Variants in PCDHGB4 observed in about 807,000 individuals in gnomAD.
PCDHGB4 encodes the protein protocadherin gamma subfamily B, 4.
Under a neutral mutation model 60.5 loss-of-function variants are expected in PCDHGB4, and 38 were observed. The ratio of observed to expected loss-of-function variants is 0.63; its 90% confidence interval spans 0.48 to 0.82. The LOEUF (loss-of-function observed/expected upper bound fraction) is 0.82, where lower values mean the gene tolerates loss of function less well. Ranked by LOEUF, PCDHGB4 falls within the 40% of genes least tolerant of loss-of-function variation. The pLI, the probability that PCDHGB4 is intolerant of heterozygous loss-of-function variation, is 0.00. For synonymous variants in PCDHGB4, 456 were observed against 509.7 expected (o/e 0.89, Z 1.42); for missense variants, 1,109 against 1,209.6 (o/e 0.92, Z 1.23).
Position 141,476,294 on chromosome 5 carries a change from A to G in PCDHGB4, c.2398-18513A>G. 6.2e-7 allele frequency: 1 copy of G among 1,613,036 alleles called. No homozygotes were observed. The highest frequency in any genetic ancestry group is 8.5e-7 in the Non-Finnish European group (1 of 1,179,642). On this transcript the variant is annotated intron_variant, in intron 1 of 3. Transcript: ENST00000519479. The surrounding 1 kb of genome is among the most constrained non-coding windows in gnomAD (Gnocchi z 7.6). ...CGCGAACCTTGGTTTGGATCTCGGT[A>G]GCCTCTCAGCCCGCAGGTTCCGGGT...
intron 1 of PCDHGB4, chr5:141,419,426 G>C: frequency 6.2e-7 from 1 of 1,613,312 alleles, no homozygotes; most frequent in Non-Finnish European, 8.5e-7. Flanking sequence ...CTTCGACCAC[G>C]AGCAGCTGCG....
chr5:141,422,197 G>C, intron 1 of PCDHGB4: 1 of 1,562,284 alleles, frequency 6.4e-7, no homozygotes, highest in Non-Finnish European at 8.6e-7. Flanking sequence ...TCAAGGCCAA[G>C]ATGGTGGAGG....
chr5:141,507,101 T>C (rs1341285140), intron 3 of PCDHGB4: 2 of 152,204 alleles, frequency 1.3e-5, no homozygotes, highest in African/African-American at 2.4e-5. Flanking sequence ...CTTTCTACTA[T>C]AGGGACCATG....
rs1281778338 is a variant in PCDHGB4, at chr5:141,512,281, G to A, written c.*1108G>A. ...TGGGTACTCCAGAGGTGCCACTGGTGGAAGGGTCAGCGGAGCCCCAGCAGG... is the reference window on the plus strand; with the variant it reads ...TGGGTACTCCAGAGGTGCCACTGGTAGAAGGGTCAGCGGAGCCCCAGCAGG... On this transcript the variant is annotated 3_prime_UTR_variant, in exon 4 of 4. Transcript: ENST00000519479. 6.5e-6 allele frequency: 1 copy of A among 152,810 alleles called. No homozygotes were observed. Among genetic ancestry groups the A allele is most frequent in the Non-Finnish European group, 1.5e-5 (1 of 68,178 alleles). The allele number at this position is 152,810 out of a possible 1,614,324, so 9.5% of individuals were successfully genotyped here.
intron 1 of PCDHGB4, chr5:141,421,166 A>T: frequency 7.7e-7 from 1 of 1,301,524 alleles, no homozygotes; most frequent in Non-Finnish European, 1.0e-6. Context: ...CTTCATAGAT[A>T]CATAAGCCGA....
At chr5:141,400,799 G>A in intron 1 of PCDHGB4, 1 of 553,494 alleles carries the variant, frequency 1.8e-6, no homozygotes, top group Non-Finnish European at 3.2e-6. Context: ...CTTTCTCAAA[G>A]CTAATGAATT....
chr5:141,425,585 A>T (rs1270579511), intron 1 of PCDHGB4, among the ~76,000 whole-genome samples: 1 of 152,252 alleles, frequency 6.6e-6, no homozygotes, highest in Non-Finnish European at 1.5e-5. Context: ...GGCTAACTTT[A>T]TTCTGAATAT....
intron 1 of PCDHGB4, among the ~76,000 whole-genome samples, chr5:141,401,282 C>G (rs963741934): frequency 4.0e-5 from 6 of 151,884 alleles, no homozygotes; most frequent in African/African-American, 1.5e-4. Context: ...GTGGAGGTTG[C>G]GGTGAGCCGA....
chr5:141,450,702 G>T (rs1466981422), intron 1 of PCDHGB4, among the ~76,000 whole-genome samples: 6 of 152,026 alleles, frequency 3.9e-5, no homozygotes, highest in South Asian at 2.1e-4. Flanking sequence ...GCCCAGGATG[G>T]TCTCCAACTC....
rs367578838 is a variant in PCDHGB4, at chr5:141,432,537, C to A, written c.2397+42256C>A. The A allele has an allele frequency of 5.0e-6, 8 of 1,613,882 alleles. No individual in the cohort carries two copies. Among genetic ancestry groups the A allele is most frequent in the African/African-American group, 1.3e-5 (1 of 74,922 alleles). Reference sequence around the variant, plus strand: ...GGCTACCTGGTGACCAAGGTGGTGGCGGTGGACAGAGACTCCGGCCAGAAC... The same window carrying A: ...GGCTACCTGGTGACCAAGGTGGTGGAGGTGGACAGAGACTCCGGCCAGAAC... On this transcript the variant is annotated intron_variant, in intron 1 of 3. Coordinates refer to ENST00000519479, the MANE Select transcript of PCDHGB4 (RefSeq NM_003736.4). This position sits in a 1 kb window ranked among gnomAD's most constrained non-coding sequence, Gnocchi z 6.0.
At chr5:141,500,340 C>A (rs188966393) in intron 2 of PCDHGB4, among the ~76,000 whole-genome samples, 92 of 152,066 alleles carry the variant, frequency 6.0e-4, no homozygotes, top group African/African-American at 2.1e-3. Flanking sequence ...TCCAGAATAG[C>A]TGGGACTACA....
chr5:141,402,937 C>A, intron 1 of PCDHGB4: 2 of 1,588,498 alleles, frequency 1.3e-6, no homozygotes, highest in Non-Finnish European at 1.7e-6. Flanking sequence ...TGAGAAAATT[C>A]CAAAGCGAGG....
intron 2 of PCDHGB4, among the ~76,000 whole-genome samples, 199 bp downstream of exon 2, chr5:141,495,064 C>T (rs563712352): frequency 6.6e-6 from 1 of 152,296 alleles, no homozygotes; most frequent in South Asian, 2.1e-4. Context: ...GTTCAGGAAG[C>T]TCAATTCACA....
At chr5:141,454,837 G>A (rs1269424734) in intron 1 of PCDHGB4, among the ~76,000 whole-genome samples, 4 of 90,354 alleles carry the variant, frequency 4.4e-5, no homozygotes, top group East Asian at 6.5e-4. Flanking sequence ...AGACAGAGTC[G>A]CGCTCTGTCA....
At chr5:141,454,034 G>A (rs530844564) in intron 1 of PCDHGB4, among the ~76,000 whole-genome samples, 10 of 152,270 alleles carry the variant, frequency 6.6e-5, no homozygotes, top group African/African-American at 2.4e-4. Context: ...GAATTGGCCA[G>A]CAAAGATAAA....
chr5:141,487,421 C>G lies in PCDHGB4; in HGVS notation c.2398-7386C>G. On this transcript the variant is annotated intron_variant, in intron 1 of 3. Transcript: ENST00000519479. This position sits in a 1 kb window ranked among gnomAD's most constrained non-coding sequence, Gnocchi z 5.0. ...GGGGCTTCCCCCTTCCAATGGGATC[C>G]TCCGAATCCAGCTAGGGTCAGATGA... 1 of 1,614,144 alleles carries G rather than the reference C, an allele frequency of 6.2e-7. No individual in the cohort carries two copies. The highest frequency in any genetic ancestry group is 8.5e-7 in the Non-Finnish European group (1 of 1,180,022).
intron 1 of PCDHGB4, among the ~76,000 whole-genome samples, chr5:141,483,340 C>T (rs906468552): frequency 5.9e-5 from 9 of 152,036 alleles, no homozygotes; most frequent in Non-Finnish European, 1.2e-4. Flanking sequence ...GATCTTATCT[C>T]TTTGCAATAG....
intron 1 of PCDHGB4, among the ~76,000 whole-genome samples, chr5:141,405,709 C>T (rs2094708572): frequency 2.0e-5 from 3 of 152,150 alleles, no homozygotes; most frequent in African/African-American, 7.2e-5. Context: ...AATTCCTAAC[C>T]TCAAGTGATC....
chr5:141,402,451 G>A (rs2094267451), intron 1 of PCDHGB4, among the ~76,000 whole-genome samples: 1 of 152,016 alleles, frequency 6.6e-6, no homozygotes. Context: ...AATTATAATA[G>A]TTTACATATC....
Sources: gnomAD v4.1 joint callset for allele counts (sites outside exome capture counted in the v4.1 genomes callset) on GRCh38, gnomAD v4.1.1 for gene constraint, Gnocchi (gnomAD v3.1) non-coding constraint, MANE v1.5 for transcripts, NCBI Gene and HGNC (gene_info 2026-07-23, HGNC 2026-07-21) for gene names.